NWD2: variants seen among roughly 807,000 people sequenced by gnomAD.
NWD2 encodes NACHT and WD repeat domain-containing protein 2.
NWD2 carries 37 observed loss-of-function variants against 132.7 expected under a neutral mutation model. The ratio of observed to expected loss-of-function variants is 0.28; its 90% confidence interval spans 0.21 to 0.37. NWD2 has a LOEUF of 0.37. Ranked by LOEUF, NWD2 falls within the 10% of genes least tolerant of loss-of-function variation. NWD2 has a pLI of 1.00. For missense variants in NWD2, 1,592 were observed against 2,122.4 expected (o/e 0.75, Z 4.91); for synonymous variants, 705 against 803.0 (o/e 0.88, Z 2.06).
intron 1 of NWD2, among the ~76,000 whole-genome samples, chr4:37,312,806 C>A (rs1377516522): frequency 6.6e-6 from 1 of 151,182 alleles, no homozygotes; most frequent in African/African-American, 2.5e-5. Context: ...TATGTTCCAT[C>A]AATACCTAAC....
intron 3 of NWD2, among the ~76,000 whole-genome samples, chr4:37,393,024 C>G (rs1720709723): frequency 6.6e-6 from 1 of 152,192 alleles, no homozygotes; most frequent in Non-Finnish European, 1.5e-5. Context: ...CTCAAGTGAA[C>G]AGCGCCTGGG....
At chr4:37,319,256 G>A (rs1719022156) in intron 1 of NWD2, among the ~76,000 whole-genome samples, 1 of 151,740 alleles carries the variant, frequency 6.6e-6, no homozygotes, top group Admixed American at 6.6e-5. Context: ...TTCATGTTTG[G>A]CCATTTGTGT....
chr4:37,280,120 A>G (rs535124406), intron 1 of NWD2, among the ~76,000 whole-genome samples: 14 of 152,282 alleles, frequency 9.2e-5, no homozygotes, highest in Middle Eastern at 3.4e-3. Context: ...GAGAACACAT[A>G]ATGAGACTGT....
At chr4:37,253,569 C>T (rs113291585) in intron 1 of NWD2, among the ~76,000 whole-genome samples, 3 of 152,046 alleles carry the variant, frequency 2.0e-5, no homozygotes, top group Admixed American at 6.6e-5. Flanking sequence ...AGGAGGTCCT[C>T]GTTACATCAC....
Position 37,446,560 on chromosome 4 carries a change from GA to G in NWD2, c.4577del (p.Asn1526IlefsTer13). On this transcript the variant is annotated frameshift_variant, in exon 7 of 7. Coordinates refer to ENST00000309447, the MANE Select transcript of NWD2 (RefSeq NM_001144990.2). LOFTEE classifies it high-confidence loss of function. This position sits in a 1 kb window ranked among gnomAD's most constrained non-coding sequence, Gnocchi z 6.7. ...GCGTGCAACTTCCAAACAACTTCTT[GA>G]AAAATCTGGAGGACTTTGAAATTTC... The part of the protein sequence containing the change: ...RRVQLPNNFL[K>X]NLEDFEISPN... 1 of 1,551,712 alleles carries G rather than the reference GA, an allele frequency of 6.4e-7. No homozygotes were observed. Among genetic ancestry groups the G allele is most frequent in the Non-Finnish European group, 8.7e-7 (1 of 1,147,000 alleles).
At chr4:37,430,508 A>T in intron 3 of NWD2, 64 bp from the exon 4 acceptor site, 1 of 1,090,770 alleles carries the variant, frequency 9.2e-7, no homozygotes, top group South Asian at 1.4e-5. Flanking sequence ...TGACCATGTG[A>T]TGTGAATACT....
chr4:37,424,059 T>G (rs1321548012), intron 3 of NWD2, among the ~76,000 whole-genome samples: 1 of 152,052 alleles, frequency 6.6e-6, no homozygotes, highest in Admixed American at 6.6e-5. Context: ...GGCCATGAGC[T>G]CCAGGGAATA....
intron 1 of NWD2, among the ~76,000 whole-genome samples, chr4:37,284,575 ACAC>A (rs1718189998): frequency 6.6e-6 from 1 of 152,172 alleles, no homozygotes; most frequent in South Asian, 2.1e-4. Flanking sequence ...GCCTAGGGTG[ACAC>A]CATGTATCTA....
At chr4:37,389,066 A>T (rs1023394950) in intron 3 of NWD2, among the ~76,000 whole-genome samples, 6 of 152,208 alleles carry the variant, frequency 3.9e-5, no homozygotes, top group Non-Finnish European at 7.3e-5. Flanking sequence ...GGCTGCAATG[A>T]CAGATGATCA....
intron 1 of NWD2, among the ~76,000 whole-genome samples, chr4:37,281,395 G>A (rs184105196): frequency 5.3e-4 from 80 of 152,052 alleles, no homozygotes; most frequent in East Asian, 2.9e-3. Context: ...TTAAAAATAG[G>A]TAATATAAAG....
chr4:37,427,873 A>G (rs978082254), intron 3 of NWD2, among the ~76,000 whole-genome samples: 1 of 152,212 alleles, frequency 6.6e-6, no homozygotes, highest in African/African-American at 2.4e-5. Context: ...CTTAAGGAAT[A>G]TAGCTGAATT....
rs115501832 is a variant in NWD2 at position 37,445,207 on chromosome 4, A to C, written c.3219A>C (p.Ala1073=). ...GFTLSANHAL[A]WLEASKDVTV... ...CACTGTCCGCCAACCACGCCCTTGC[A>C]TGGCTCGAAGCCAGCAAAGATGTCA... The change falls in exon 7 of 7, where the codon GCA becomes GCC. Residue 1073 remains alanine (A), a synonymous_variant. Transcript: ENST00000309447. This position sits in a 1 kb window ranked among gnomAD's most constrained non-coding sequence, Gnocchi z 4.7. 1 of 1,551,916 alleles carries C rather than the reference A, an allele frequency of 6.4e-7. No homozygotes were observed. Among genetic ancestry groups the C allele is most frequent in the Non-Finnish European group, 8.7e-7 (1 of 1,147,056 alleles).
intron 1 of NWD2, among the ~76,000 whole-genome samples, chr4:37,300,306 C>T (rs1272666169): frequency 1.3e-5 from 2 of 152,074 alleles, no homozygotes; most frequent in African/African-American, 4.8e-5. Context: ...TTGGAAGCAA[C>T]GCTGTAGCAA....
chr4:37,320,832 A>C (rs1719053635), intron 1 of NWD2, among the ~76,000 whole-genome samples: 1 of 152,184 alleles, frequency 6.6e-6, no homozygotes, highest in African/African-American at 2.4e-5. Flanking sequence ...GTGGATTCTA[A>C]GCAGATTTTC....
At chr4:37,423,812 C>A (rs556613901) in intron 3 of NWD2, among the ~76,000 whole-genome samples, 1 of 152,246 alleles carries the variant, frequency 6.6e-6, no homozygotes, top group Admixed American at 6.5e-5. Flanking sequence ...CCATCACATC[C>A]CCATTTCTCC....
chr4:37,376,224 A>G (rs1471139149), intron 3 of NWD2, among the ~76,000 whole-genome samples: 3 of 152,216 alleles, frequency 2.0e-5, no homozygotes, highest in Non-Finnish European at 4.4e-5. Context: ...GGATTTTGCA[A>G]TATGTGTTTC....
At chr4:37,270,922 G>A (rs1050951510) in intron 1 of NWD2, among the ~76,000 whole-genome samples, 3 of 151,728 alleles carry the variant, frequency 2.0e-5, no homozygotes, top group Admixed American at 6.6e-5. Context: ...ATTTTTGCAT[G>A]TGGTAAAAGA....
At chr4:37,264,591 C>T (rs1359946469) in intron 1 of NWD2, among the ~76,000 whole-genome samples, 1 of 151,988 alleles carries the variant, frequency 6.6e-6, no homozygotes, top group East Asian at 1.9e-4. Flanking sequence ...CTATAAAATT[C>T]CCTGCTTCAT....
chr4:37,289,633 TTC>T (rs2109271609), intron 1 of NWD2, among the ~76,000 whole-genome samples: 1 of 152,344 alleles, frequency 6.6e-6, no homozygotes, highest in African/African-American at 2.4e-5. Context: ...TTGTTTACGG[TTC>T]TCTTCATTTG....
Sources: gnomAD v4.1 joint callset for allele counts (sites outside exome capture counted in the v4.1 genomes callset) on GRCh38, gnomAD v4.1.1 for gene constraint, Gnocchi (gnomAD v3.1) non-coding constraint, MANE v1.5 for transcripts, NCBI Gene and HGNC (gene_info 2026-07-23, HGNC 2026-07-21) for gene names.